The following STK3 variants were observed in gnomAD, a reference collection of about 807,000 sequenced individuals.
The protein encoded by STK3 is serine/threonine kinase 3.
In STK3, 41 loss-of-function variants were observed where a neutral mutation model predicts 58.0. The ratio of observed to expected loss-of-function variants is 0.71; its 90% CI spans 0.55 to 0.92. STK3 has a LOEUF of 0.92. Ranked by LOEUF, STK3 falls within the 40% of genes least tolerant of loss-of-function variation. The pLI is 0.00. For missense variants in STK3, 479 were observed against 602.7 expected (o/e 0.79, Z 2.15); for synonymous variants, 170 against 191.0 (o/e 0.89, Z 0.91).
intron 3 of STK3, among the ~76,000 whole-genome samples, chr8:98,754,961 T>G (rs898944913): frequency 6.6e-6 from 1 of 152,210 alleles, no homozygotes; most frequent in Non-Finnish European, 1.5e-5. Flanking sequence ...AGGGTAGAAG[T>G]GACAACTCAT....
chr8:98,633,194 C>A (rs1001232738), intron 6 of STK3, among the ~76,000 whole-genome samples: 2 of 151,916 alleles, frequency 1.3e-5, no homozygotes, highest in African/African-American at 4.8e-5. Context: ...AAAATGCAGG[C>A]ATAAAGTAAC....
At chr8:98,595,305 T>TC in intron 7 of STK3, 1 of 151,498 alleles carries the variant, frequency 6.6e-6, no homozygotes, top group Middle Eastern at 3.4e-3. Context: ...TTTTTTTTTT[T>TC]CCTTTTTTCT....
chr8:98,464,648 T>A (rs889569015), intron 10 of STK3, among the ~76,000 whole-genome samples: 2 of 148,738 alleles, frequency 1.3e-5, no homozygotes, highest in Non-Finnish European at 3.0e-5. Flanking sequence ...CTGAGAAGCA[T>A]ACAAAAAAGG....
At chr8:98,503,135 G>A (rs1326324366) in intron 10 of STK3, among the ~76,000 whole-genome samples, 1 of 152,076 alleles carries the variant, frequency 6.6e-6, no homozygotes. Context: ...TTGGTCTTGG[G>A]AGCATGTATG....
intron 8 of STK3, among the ~76,000 whole-genome samples, chr8:98,564,065 G>GTT (rs1033495698): frequency 6.6e-6 from 1 of 152,012 alleles, no homozygotes; most frequent in African/African-American, 2.4e-5. Flanking sequence ...TGTGATCCTG[G>GTT]TTAACATCAA....
chr8:98,660,512 T>C (rs1821886199), intron 6 of STK3, among the ~76,000 whole-genome samples: 1 of 152,076 alleles, frequency 6.6e-6, no homozygotes, highest in African/African-American at 2.4e-5. Flanking sequence ...TGGTACATCT[T>C]ACAGGTAAAA....
intron 10 of STK3, among the ~76,000 whole-genome samples, chr8:98,500,118 G>A (rs1487255135): frequency 3.9e-5 from 6 of 151,968 alleles, no homozygotes; most frequent in African/African-American, 1.5e-4. Flanking sequence ...AGTCACAAGT[G>A]TCCTTAGAAG....
At chr8:98,857,015 A>G (rs1836710094) in intron 3 of STK3, among the ~76,000 whole-genome samples, 1 of 152,260 alleles carries the variant, frequency 6.6e-6, no homozygotes, top group Non-Finnish European at 1.5e-5. Context: ...AAATCTATAA[A>G]GAAAAAACCT....
intron 2 of STK3, among the ~76,000 whole-genome samples, chr8:98,372,498 T>C (rs1194324767): frequency 1.3e-5 from 2 of 151,492 alleles, no homozygotes; most frequent in Non-Finnish European, 2.9e-5. Flanking sequence ...TTTTTGTTGT[T>C]ATTTTTCCTA....
intron 6 of STK3, among the ~76,000 whole-genome samples, chr8:98,654,084 A>G (rs1391975643): frequency 1.3e-5 from 2 of 152,220 alleles, no homozygotes; most frequent in Non-Finnish European, 2.9e-5. Flanking sequence ...AAAATCCTCA[A>G]TAAAATACTG....
chr8:98,856,220 C>T (rs1333570566), intron 3 of STK3, among the ~76,000 whole-genome samples: 1 of 145,628 alleles, frequency 6.9e-6, no homozygotes, highest in Non-Finnish European at 1.5e-5. Context: ...CACAGCTACT[C>T]AGGAGGCTGA....
At chr8:98,565,978 A>T (rs756957244) in intron 8 of STK3, among the ~76,000 whole-genome samples, 18 of 152,208 alleles carry the variant, frequency 1.2e-4, no homozygotes, top group Non-Finnish European at 2.2e-4. Flanking sequence ...CAACACTTAA[A>T]CTAACACAAA....
upstream of STK3, among the ~76,000 whole-genome samples, chr8:98,829,070 G>A (rs1434932607): frequency 6.6e-6 from 1 of 152,194 alleles, no homozygotes; most frequent in Non-Finnish European, 1.5e-5. Flanking sequence ...TTATGGTTGG[G>A]TCTGATGATA....
chr8:98,590,731 T>C (rs1399070285), intron 7 of STK3, among the ~76,000 whole-genome samples: 1 of 152,174 alleles, frequency 6.6e-6, no homozygotes, highest in Non-Finnish European at 1.5e-5. Context: ...TTATGTAAGT[T>C]TGTAAGTTTA....
intron 8 of STK3, among the ~76,000 whole-genome samples, chr8:98,569,502 C>A (rs1168667080): frequency 1.3e-5 from 2 of 151,296 alleles, no homozygotes; most frequent in Non-Finnish European, 2.9e-5. Flanking sequence ...AAAAGTACGG[C>A]ATTAATAAAT....
chr8:98,701,278 G>T (rs901945915), intron 6 of STK3, among the ~76,000 whole-genome samples: 9 of 151,856 alleles, frequency 5.9e-5, no homozygotes, highest in African/African-American at 2.2e-4. Context: ...GGAAGGAAAT[G>T]ATACTATTTA....
chr8:98,822,839 G>A (rs1208565948), intron 1 of STK3, among the ~76,000 whole-genome samples: 3 of 152,288 alleles, frequency 2.0e-5, no homozygotes, highest in African/African-American at 7.2e-5. Flanking sequence ...GACCAGCCTG[G>A]CCAACATGGC....
chr8:98,732,442 A>C (rs1455492640), intron 4 of STK3, among the ~76,000 whole-genome samples: 1 of 152,204 alleles, frequency 6.6e-6, no homozygotes, highest in African/African-American at 2.4e-5. Context: ...TTAGAAGATA[A>C]ATGGAGGAAA....
chr8:98,646,074 T>G (rs1820376112), intron 6 of STK3, among the ~76,000 whole-genome samples: 1 of 152,210 alleles, frequency 6.6e-6, no homozygotes, highest in African/African-American at 2.4e-5. Flanking sequence ...TAAGAGCAGA[T>G]GACATAATGT....
Sources: gnomAD v4.1 joint callset for allele counts (sites outside exome capture counted in the v4.1 genomes callset) on GRCh38, gnomAD v4.1.1 for gene constraint, MANE v1.5 for transcripts, NCBI Gene and HGNC (gene_info 2026-07-23, HGNC 2026-07-21) for gene names.